ROBO2: variants seen among roughly 807,000 people sequenced by gnomAD.
ROBO2 encodes roundabout homolog 2.
Under a neutral mutation model 160.8 loss-of-function variants are expected in ROBO2, and 53 were observed. The observed-to-expected ratio is 0.33, with a 90% CI of 0.26 to 0.41. The LOEUF (loss-of-function observed/expected upper bound fraction) is 0.41, where lower values mean the gene tolerates loss of function less well. ROBO2 is among the 10% of genes least tolerant of loss of function. The pLI is 1.00. For synonymous variants in ROBO2, 664 were observed against 611.7 expected, an observed-to-expected ratio of 1.09 and a Z score of -1.26; for missense variants, 1,577 against 1,722.4, an observed-to-expected ratio of 0.92 and a Z score of 1.49.
chr3:77,166,762 G>C (rs1480456869), intron 2 of ROBO2, among the ~76,000 whole-genome samples: 2 of 151,870 alleles, frequency 1.3e-5, no homozygotes, highest in African/African-American at 4.8e-5. Flanking sequence ...GTGTTTCACC[G>C]GTTAGCCAGG....
At chr3:76,196,043 C>T (rs766447614) in intron 2 of ROBO2, among the ~76,000 whole-genome samples, 1 of 152,160 alleles carries the variant, frequency 6.6e-6, no homozygotes, top group Non-Finnish European at 1.5e-5. Context: ...TGTGCACACA[C>T]TCTTTGTCAC....
chr3:76,932,931 A>T (rs1452639662), intron 2 of ROBO2, among the ~76,000 whole-genome samples: 1 of 151,708 alleles, frequency 6.6e-6, no homozygotes, highest in Non-Finnish European at 1.5e-5. Context: ...TATCCTTGTT[A>T]TTCAAGCCTG....
intron 2 of ROBO2, among the ~76,000 whole-genome samples, chr3:76,309,262 A>C (rs1422132844): frequency 6.6e-6 from 1 of 152,210 alleles, no homozygotes; most frequent in East Asian, 1.9e-4. Flanking sequence ...AAGAAAATCA[A>C]ATTCTGAGTT....
chr3:76,901,318 A>C (rs571701946), intron 2 of ROBO2, among the ~76,000 whole-genome samples: 1 of 152,004 alleles, frequency 6.6e-6, no homozygotes, highest in Admixed American at 6.6e-5. Context: ...AGAATTTCGA[A>C]ATGTTTTATA....
At chr3:76,522,971 AATT>A (rs2081718258) in intron 2 of ROBO2, among the ~76,000 whole-genome samples, 1 of 148,456 alleles carries the variant, frequency 6.7e-6, no homozygotes, top group South Asian at 2.1e-4. Context: ...ATGATTATAT[AATT>A]ATTTAAAGTT....
chr3:76,086,662 T>A (rs754694649), intron 2 of ROBO2, among the ~76,000 whole-genome samples: 4 of 152,140 alleles, frequency 2.6e-5, no homozygotes, highest in Non-Finnish European at 4.4e-5. Context: ...CATACTAATA[T>A]GTAATAAGCA....
At chr3:76,510,933 G>T (rs2107748650) in intron 2 of ROBO2, among the ~76,000 whole-genome samples, 1 of 152,152 alleles carries the variant, frequency 6.6e-6, no homozygotes, top group African/African-American at 2.4e-5. Context: ...GGAACAAATG[G>T]AATGGTTGCA....
intron 2 of ROBO2, among the ~76,000 whole-genome samples, chr3:76,354,370 T>C (rs535853669): frequency 1.2e-4 from 18 of 151,912 alleles, no homozygotes; most frequent in Non-Finnish European, 2.4e-4. Flanking sequence ...AAAGAATAAC[T>C]TCTACTTTAG....
At chr3:76,230,160 C>A (rs561765891) in intron 2 of ROBO2, among the ~76,000 whole-genome samples, 1 of 152,248 alleles carries the variant, frequency 6.6e-6, no homozygotes, top group South Asian at 2.1e-4. Flanking sequence ...TATCTTGATA[C>A]CACACATCCT....
chr3:76,405,925 T>G (rs897471542), intron 2 of ROBO2, among the ~76,000 whole-genome samples: 2 of 151,774 alleles, frequency 1.3e-5, no homozygotes, highest in Non-Finnish European at 2.9e-5. Flanking sequence ...TTTGGCACCC[T>G]TTGTTTAATA....
In ROBO2 at chr3:76,446,070, T is replaced by C. The variant is rs557613584; in HGVS notation, c.109+508468T>C. Among the ~76,000 whole-genome samples, 94 of 152,170 alleles carry C rather than the reference T, an allele frequency of 6.2e-4. 1 individual carries two copies. The highest frequency in any genetic ancestry group is 1.1e-3 in the Non-Finnish European group (74 of 68,002). ...TCAGGCAGGAGAAAGAAATAAATGG[T>C]ATTCAATTAGGAAAAGAGGAAGTCA... On this transcript the variant is annotated intron_variant, in intron 2 of 26. Coordinates refer to the ROBO2 transcript ENST00000487694.
At chr3:76,960,923 C>G (rs530862811) in intron 2 of ROBO2, among the ~76,000 whole-genome samples, 6 of 151,988 alleles carry the variant, frequency 3.9e-5, no homozygotes, top group Non-Finnish European at 2.9e-5. Flanking sequence ...AAATCAAACT[C>G]CTTCTATATG....
chr3:77,019,884 C>T (rs772281715), intron 2 of ROBO2, among the ~76,000 whole-genome samples: 33 of 152,142 alleles, frequency 2.2e-4, no homozygotes, highest in Admixed American at 3.9e-4. Flanking sequence ...ATCCCAGATT[C>T]AGATACATTT....
intron 6 of ROBO2, among the ~76,000 whole-genome samples, chr3:77,542,209 C>T (rs563724569): frequency 6.6e-6 from 1 of 152,234 alleles, no homozygotes; most frequent in South Asian, 2.1e-4. Flanking sequence ...GATATCCCTT[C>T]ACAGAAGATT....
chr3:77,324,093 A>T (rs138737872), intron 2 of ROBO2, among the ~76,000 whole-genome samples: 2 of 152,320 alleles, frequency 1.3e-5, no homozygotes, highest in Non-Finnish European at 2.9e-5. Context: ...GACAGTCCAC[A>T]GTGAGACTTT....
intron 1 of ROBO2, among the ~76,000 whole-genome samples, chr3:77,058,155 A>G (rs2149743062): frequency 6.6e-6 from 1 of 152,298 alleles, no homozygotes; most frequent in African/African-American, 2.4e-5. Context: ...AAAGTCTTTC[A>G]CTAAGCTTCC....
chr3:76,731,651 T>C (rs536388775), intron 2 of ROBO2, among the ~76,000 whole-genome samples: 1 of 152,334 alleles, frequency 6.6e-6, no homozygotes, highest in Non-Finnish European at 1.5e-5. Flanking sequence ...ATGAGGCTAA[T>C]AAATGCAGAA....
chr3:76,158,139 A>G (rs1411290021), intron 2 of ROBO2, among the ~76,000 whole-genome samples: 1 of 152,108 alleles, frequency 6.6e-6, no homozygotes, highest in Non-Finnish European at 1.5e-5. Context: ...TCCATCTAGG[A>G]CTACAGCAGA....
chr3:77,252,831 A>AAAAAAAAAAAATAT, intron 2 of ROBO2, among the ~76,000 whole-genome samples: 1 of 12,518 alleles, frequency 8.0e-5, no homozygotes, highest in African/African-American at 1.6e-4. Flanking sequence ...AAAAAAAAAA[A>AAAAAAAAAAAATAT]ATATATATAT....
Sources: gnomAD v4.1 joint callset for allele counts (sites outside exome capture counted in the v4.1 genomes callset) on GRCh38, gnomAD v4.1.1 for gene constraint, MANE v1.5 for transcripts, NCBI Gene and HGNC (gene_info 2026-07-23, HGNC 2026-07-21) for gene names.